RP1: variants seen among roughly 807,000 people sequenced by gnomAD.
RP1 encodes RP1 axonemal microtubule associated.
In RP1, 16 loss-of-function variants were observed where a neutral mutation model predicts 14.8. The observed-to-expected ratio is 1.08, with a 90% CI of 0.73 to 1.65. The LOEUF (loss-of-function observed/expected upper bound fraction) is 1.65, where lower values mean the gene tolerates loss of function less well. Among genes scored for constraint, RP1 ranks in the 40% most tolerant of loss-of-function variants. The pLI is 0.00. For synonymous variants in RP1, 876 were observed against 883.6 expected (o/e 0.99, Z 0.15); for missense variants, 2,631 against 2,535.0 (o/e 1.04, Z -0.81).
chr8:54,869,509 T>C (rs1235844474), intron 28 of RP1, among the ~76,000 whole-genome samples: 1 of 152,232 alleles, frequency 6.6e-6, no homozygotes, highest in African/African-American at 2.4e-5. Context: ...GCCAGTCACA[T>C]GACAGGAGAA....
intron 6 of RP1, among the ~76,000 whole-genome samples, chr8:54,659,748 T>A (rs550698603): frequency 6.6e-6 from 1 of 152,352 alleles, no homozygotes; most frequent in Non-Finnish European, 1.5e-5. Flanking sequence ...TTTTCCTATT[T>A]CTGTAAAAAT....
intron 1 of RP1, among the ~76,000 whole-genome samples, chr8:54,600,768 C>G (rs1463535643): frequency 6.6e-6 from 1 of 152,132 alleles, no homozygotes; most frequent in Non-Finnish European, 1.5e-5. Context: ...CTAGCTTGCC[C>G]CTTTCCTGGA....
chr8:54,588,074 C>G (rs942114625), intron 1 of RP1, among the ~76,000 whole-genome samples: 2 of 152,174 alleles, frequency 1.3e-5, no homozygotes. Flanking sequence ...TGATAAGGAA[C>G]TTAATATCCA....
chr8:54,797,455 T>G (rs1224198687), intron 24 of RP1, among the ~76,000 whole-genome samples: 1 of 152,108 alleles, frequency 6.6e-6, no homozygotes, highest in African/African-American at 2.4e-5. Context: ...CATTTGCTTA[T>G]GCACATTTTA....
At chr8:54,683,738 C>T (rs1433817877) in intron 12 of RP1, among the ~76,000 whole-genome samples, 1 of 152,170 alleles carries the variant, frequency 6.6e-6, no homozygotes, top group Non-Finnish European at 1.5e-5. Context: ...ATTATGTCAT[C>T]TGCAAACAAA....
At chr8:54,725,033 A>G (rs1287570623) in intron 16 of RP1, among the ~76,000 whole-genome samples, 1 of 152,196 alleles carries the variant, frequency 6.6e-6, no homozygotes, top group Non-Finnish European at 1.5e-5. Flanking sequence ...AGCGCTCATC[A>G]GTATCTATCA....
rs554526335 is a variant in RP1, at chr8:54,684,023, G to A, written c.1717+4090G>A. On this transcript the variant is annotated intron_variant, in intron 12 of 22. Transcript: ENST00000636932. Reference sequence around the variant, plus strand: ...TTTTTTTTTTTTTTTTAACATGAAGGGATGTTGAATTTTACCAAAGGTCTT... The same window carrying A: ...TTTTTTTTTTTTTTTTAACATGAAGAGATGTTGAATTTTACCAAAGGTCTT... Among the ~76,000 whole-genome samples the A allele has an allele frequency of 7.5e-4, 112 of 149,868 alleles. 1 individual carries two copies. The highest frequency in any genetic ancestry group is 2.7e-3 in the African/African-American group (110 of 40,664).
downstream of RP1, among the ~76,000 whole-genome samples, chr8:54,773,919 T>C (rs1240319865): frequency 6.6e-6 from 1 of 152,204 alleles, no homozygotes. Context: ...AGATTATGTG[T>C]GGCAAAGATT....
At chr8:54,693,052 A>C (rs868180619) in intron 12 of RP1, among the ~76,000 whole-genome samples, 10 of 152,136 alleles carry the variant, frequency 6.6e-5, no homozygotes, top group South Asian at 4.1e-4. Context: ...CCAGTTTTCC[A>C]AGCACCATTT....
intron 1 of RP1, among the ~76,000 whole-genome samples, chr8:54,618,780 C>T (rs148359621): frequency 0.029 from 4,467 of 152,146 alleles, 126 homozygotes; most frequent in African/African-American, 0.067. Context: ...CTCAGCCTCC[C>T]GAGTAGAGTA....
intron 3 of RP1, among the ~76,000 whole-genome samples, chr8:54,648,496 T>A (rs926057371): frequency 6.6e-6 from 1 of 152,178 alleles, no homozygotes; most frequent in African/African-American, 2.4e-5. Context: ...TTATAGCAGA[T>A]AACTTCTCAA....
chr8:54,811,597 C>T lies in RP1; in HGVS notation c.3616-25853C>T, dbSNP rs554325393. On this transcript the variant is annotated intron_variant, in intron 24 of 28. Transcript: ENST00000637698. ...ATGCTTCTTCGTCAGTACATGGCAC[C>T]GGACAGACATAGGACTTCAAATATC... Among the ~76,000 whole-genome samples the T allele has an allele frequency of 9.2e-5, 14 of 152,200 alleles. 1 individual carries two copies. The highest frequency in any genetic ancestry group is 6.8e-3 in the Middle Eastern group (2 of 294).
At chr8:54,602,309 A>G (rs1416076209) in intron 1 of RP1, among the ~76,000 whole-genome samples, 1 of 152,094 alleles carries the variant, frequency 6.6e-6, no homozygotes, top group African/African-American at 2.4e-5. Flanking sequence ...TCCTTGCGAC[A>G]GTTTGCTGAG....
chr8:54,838,577 A>C (rs189120802), intron 25 of RP1, among the ~76,000 whole-genome samples: 1 of 152,194 alleles, frequency 6.6e-6, no homozygotes, highest in African/African-American at 2.4e-5. Flanking sequence ...ATGCTTATAT[A>C]TGTATGTGCG....
intron 15 of RP1, among the ~76,000 whole-genome samples, chr8:54,711,456 A>G (rs1273019829): frequency 6.6e-6 from 1 of 152,222 alleles, no homozygotes; most frequent in African/African-American, 2.4e-5. Context: ...AATCATAGGA[A>G]AGTGTGGCAC....
At position 54,625,356 on chromosome 8, in the gene RP1, G is replaced by A. The variant is rs561673450; in HGVS notation, c.1474G>A (p.Gly492Arg). 3.7e-6 allele frequency: 6 copies of A among 1,614,088 alleles called. No homozygotes were observed. The East Asian group carries it at 1.3e-4, about 36-fold the overall frequency. The stretch of plus-strand genomic sequence containing the variant: ...TTCATATAGTGAAGAAAGGGAAAGT[G>A]GGGAAAACAAGTCTGAGTATCACAT... ...QFSYSEERES[G>R]ENKSEYHMFT... Residue 492 changes from glycine to arginine, a missense_variant, in exon 4 of 4, where the codon GGG becomes AGG. Transcript: ENST00000220676.
intron 12 of RP1, among the ~76,000 whole-genome samples, chr8:54,681,026 C>T (rs9774102): frequency 0.33 from 50,138 of 151,630 alleles, 9,165 homozygotes; most frequent in Middle Eastern, 0.48. Context: ...GCTTCTCTTT[C>T]CAAAATTATT....
chr8:54,845,440 C>T lies in RP1; in HGVS notation c.3836-7134C>T, dbSNP rs1360515894. 2.0e-5 allele frequency among the ~76,000 whole-genome samples: 3 copies of T among 152,026 alleles called. No homozygotes were observed. The East Asian group carries it at 5.8e-4, about 29-fold the overall frequency. ...GATTCTAACCTGAAAAAACATGAGC[C>T]CTGCCCCTAGGAACACGGGAGTTAG... On this transcript the variant is annotated intron_variant, in intron 25 of 28. Coordinates refer to the RP1 transcript ENST00000637698.
chr8:54,775,016 CT>C (rs933269249), intron 23 of RP1, among the ~76,000 whole-genome samples: 52 of 152,038 alleles, frequency 3.4e-4, no homozygotes, highest in African/African-American at 9.4e-4. Context: ...TGTTTGGCAG[CT>C]TTCCTGGGTT....
Sources: allele counts gnomAD v4.1 joint callset (sites outside exome capture counted in the v4.1 genomes callset), GRCh38; gene constraint gnomAD v4.1.1; transcripts MANE v1.5; gene names NCBI Gene and HGNC (gene_info 2026-07-23, HGNC 2026-07-21).